RIMBP2: variants seen among roughly 807,000 people sequenced by gnomAD.
RIMBP2 encodes the protein RIMS binding protein 2.
Under a neutral mutation model 118.6 loss-of-function variants are expected in RIMBP2, and 48 were observed. The observed-to-expected ratio is 0.40, with a 90% confidence interval of 0.32 to 0.51. The LOEUF (loss-of-function observed/expected upper bound fraction) is 0.51, where lower values mean the gene tolerates loss of function less well. Among genes scored for constraint, RIMBP2 ranks in the 20% least tolerant of loss-of-function variants. The pLI is 0.41. For missense variants in RIMBP2, 1,551 were observed against 1,768.3 expected, an observed-to-expected ratio of 0.88 and a Z score of 2.20; for synonymous variants, 762 against 742.9, an observed-to-expected ratio of 1.03 and a Z score of -0.42.
rs149320385 is a variant in RIMBP2, at chr12:130,595,341, G to A, written c.-217+32981C>T. Among the ~76,000 whole-genome samples, 1,336 of 152,034 alleles carry A rather than the reference G, an allele frequency of 8.8e-3. 15 individuals carry two copies. The highest frequency in any genetic ancestry group is 0.027 in the African/African-American group (1,106 of 41,476). On this transcript the variant is annotated intron_variant, in intron 2 of 22. Transcript: ENST00000690449. ...TGGGAGGCCGAGATGGGCGGACTAT[G>A]AGGTCAAGAGATCGAGACCATTCTG...
chr12:130,645,574 T>A (rs1288129660), intron 1 of RIMBP2, among the ~76,000 whole-genome samples: 1 of 152,162 alleles, frequency 6.6e-6, no homozygotes, highest in Non-Finnish European at 1.5e-5. Context: ...TTGGAGAAAG[T>A]CATGCCCTCT....
intron 11 of RIMBP2, among the ~76,000 whole-genome samples, chr12:130,440,064 G>C (rs563046765): frequency 6.6e-6 from 1 of 151,686 alleles, no homozygotes; most frequent in South Asian, 2.1e-4. Flanking sequence ...CACCATCCCC[G>C]GGCATGGCTA....
At chr12:130,454,087 T>A (rs1163139149) in intron 7 of RIMBP2, among the ~76,000 whole-genome samples, 1 of 152,084 alleles carries the variant, frequency 6.6e-6, no homozygotes, top group East Asian at 1.9e-4. Context: ...AATGCTGGAT[T>A]ATAGACTTGA....
intron 20 of RIMBP2, among the ~76,000 whole-genome samples, chr12:130,406,528 CT>C (rs2075189077): frequency 6.6e-6 from 1 of 152,192 alleles, no homozygotes; most frequent in African/African-American, 2.4e-5. Context: ...ATTTTTAAAG[CT>C]AGTGAAATGG....
At chr12:130,484,093 G>A (rs934368226) in intron 4 of RIMBP2, among the ~76,000 whole-genome samples, 3 of 152,158 alleles carry the variant, frequency 2.0e-5, no homozygotes, top group South Asian at 2.1e-4. Flanking sequence ...AGAGTCTGCC[G>A]GCGACTGTCA....
At chr12:130,537,691 G>C (rs1299675685) in intron 2 of RIMBP2, among the ~76,000 whole-genome samples, 1 of 152,102 alleles carries the variant, frequency 6.6e-6, no homozygotes, top group East Asian at 1.9e-4. Flanking sequence ...GTACATATAC[G>C]GTACATCTCA....
rs201595234 is a variant in RIMBP2, at chr12:130,437,239, C to T, written c.1709G>A (p.Arg570Gln). The T allele has an allele frequency of 1.1e-4, 179 of 1,586,776 alleles. No individual in the cohort carries two copies. The highest frequency in any genetic ancestry group is 1.4e-4 in the Non-Finnish European group (166 of 1,172,538). ...TADSTAVELV[R>Q]LRSLEAKGVT... ...GCCCTTGGCCTCCAGGCTCCGCAGCCGCACAAGCTCCACGGCCGTGCTGTC... is the reference window on the plus strand; with the variant it reads ...GCCCTTGGCCTCCAGGCTCCGCAGCTGCACAAGCTCCACGGCCGTGCTGTC... Residue 570 changes from arginine (R) to glutamine (Q), a missense_variant, in exon 13 of 23, where the codon CGG (arginine) becomes CAG (glutamine). Coordinates refer to ENST00000690449, the MANE Select transcript of RIMBP2 (RefSeq NM_001393629.1).
intron 1 of RIMBP2, among the ~76,000 whole-genome samples, chr12:130,708,234 G>A (rs931238100): frequency 1.1e-4 from 17 of 152,200 alleles, no homozygotes; most frequent in African/African-American, 3.9e-4. Context: ...GGGAGGAGAG[G>A]AGAGAGGAGA....
chr12:130,667,529 T>A (rs1378664737), intron 1 of RIMBP2: 1 of 151,870 alleles, frequency 6.6e-6, no homozygotes, highest in Non-Finnish European at 1.5e-5. Flanking sequence ...GCGCTGTGGG[T>A]TTGGGGAAAG....
intron 9 of RIMBP2, among the ~76,000 whole-genome samples, chr12:130,449,030 G>A (rs937636275): frequency 3.3e-5 from 5 of 151,784 alleles, no homozygotes; most frequent in Non-Finnish European, 5.9e-5. Flanking sequence ...GGTGGCAACT[G>A]CACTGAAGCT....
At chr12:130,497,121 C>A (rs1007888807) in intron 4 of RIMBP2, among the ~76,000 whole-genome samples, 2 of 152,154 alleles carry the variant, frequency 1.3e-5, no homozygotes, top group Admixed American at 6.5e-5. Flanking sequence ...TCCAAACTCC[C>A]CTCTCCTTTC....
chr12:130,406,536 A>G lies in RIMBP2; in HGVS notation c.3694-293T>C, dbSNP rs1206542139. Among the ~76,000 whole-genome samples, 4 of 152,380 alleles carry G rather than the reference A, an allele frequency of 2.6e-5. No individual in the cohort carries two copies. In the East Asian group the frequency reaches 5.8e-4, roughly 22 times the overall value. On this transcript the variant is annotated intron_variant, in intron 20 of 22. Coordinates refer to ENST00000690449, the MANE Select transcript of RIMBP2 (RefSeq NM_001393629.1). ...ATAATACATTTTTAAAGCTAGTGAA[A>G]TGGTTAATTGTAAAAACCTGGAATA...
At position 130,658,728 on chromosome 12, in the gene RIMBP2, G is replaced by A. The variant is rs556161587; in HGVS notation, c.-351-30272C>T. ...CAAGCTCCCTCCCGAGCCGGGTTCTGGGCAGGAGAGGACTCTGCTCCTGCA... is the reference window on the plus strand; with the variant it reads ...CAAGCTCCCTCCCGAGCCGGGTTCTAGGCAGGAGAGGACTCTGCTCCTGCA... On this transcript the variant is annotated intron_variant, in intron 1 of 22. Transcript: ENST00000690449. 3 of 152,314 alleles carry A rather than the reference G, an allele frequency of 2.0e-5. No individual in the cohort carries two copies. The East Asian group carries it at 5.8e-4, about 29-fold the overall frequency. 9.4% of individuals were successfully genotyped at this position (152,314 alleles called of 1,614,324 possible).
intron 19 of RIMBP2, among the ~76,000 whole-genome samples, chr12:130,411,879 G>A (rs2075746687): frequency 6.6e-6 from 1 of 152,034 alleles, no homozygotes; most frequent in Admixed American, 6.5e-5. Context: ...TATATTCTTT[G>A]AAGCACAGAA....
Position 130,446,147 on chromosome 12 carries a change from T to C in RIMBP2, c.582-878A>G, listed in dbSNP as rs1042232720. 1.3e-5 allele frequency among the ~76,000 whole-genome samples: 2 copies of C among 151,684 alleles called. No homozygotes were observed. The highest frequency in any genetic ancestry group is 3.4e-3 in the Middle Eastern group (1 of 294). On this transcript the variant is annotated intron_variant, in intron 9 of 22. Coordinates refer to ENST00000690449, the MANE Select transcript of RIMBP2 (RefSeq NM_001393629.1). The surrounding 1 kb of genome is among the most constrained non-coding windows in gnomAD (Gnocchi z 4.1). Reference sequence around the variant, plus strand: ...AACACATGAAACAAACCCAGATGAATTGGGGATTCTCTAAATAAAAGGCAA... The same window carrying C: ...AACACATGAAACAAACCCAGATGAACTGGGGATTCTCTAAATAAAAGGCAA...
intron 22 of RIMBP2, chr12:130,398,887 T>C: frequency 3.7e-6 from 1 of 272,236 alleles, no homozygotes; most frequent in Non-Finnish European, 6.8e-6. Context: ...TTAATGCAAA[T>C]AGTAGGAAAT....
At chr12:130,715,858 C>A (rs1382718146) in intron 1 of RIMBP2, among the ~76,000 whole-genome samples, 1 of 151,444 alleles carries the variant, frequency 6.6e-6, no homozygotes, top group Non-Finnish European at 1.5e-5. Flanking sequence ...CCGTGTCCAT[C>A]GGGTGCCAAA....
chr12:130,600,732 C>T (rs1301312040), intron 2 of RIMBP2, among the ~76,000 whole-genome samples: 2 of 152,220 alleles, frequency 1.3e-5, no homozygotes, highest in Non-Finnish European at 1.5e-5. Context: ...TAAGCCCCCT[C>T]ACCCTAAAAC....
At position 130,437,128 on chromosome 12, in the gene RIMBP2, G is replaced by T. The variant is rs751138965; in HGVS notation, c.1820C>A (p.Thr607Asn). 2 of 1,584,562 alleles carry T rather than the reference G, an allele frequency of 1.3e-6. No individual in the cohort carries two copies. The highest frequency in any genetic ancestry group is 1.7e-6 in the Non-Finnish European group (2 of 1,164,420). The change falls in exon 13 of 23, where the codon ACC (threonine) becomes AAC (asparagine). Residue 607 changes from threonine (T) to asparagine (N), a missense_variant. By Grantham distance (65) the Thr-to-Asn change is moderately conservative. Transcript: ENST00000690449. ...TTGGGGTGCAGGTCTCGGGTGGGGG[G>T]TAGGAGGCACCAGGAGCTCGGGGGG... ...AVPPELLVPP[T>N]PHPRPAPQSK...
Sources: allele counts gnomAD v4.1 joint callset (sites outside exome capture counted in the v4.1 genomes callset), GRCh38; gene constraint gnomAD v4.1.1; non-coding constraint Gnocchi (gnomAD v3.1); transcripts MANE v1.5; gene names NCBI Gene and HGNC (gene_info 2026-07-23, HGNC 2026-07-21).